SLC19A1: variants seen among roughly 807,000 people sequenced by gnomAD.
SLC19A1 encodes solute carrier family 19 member 1.
SLC19A1 carries 37 observed loss-of-function variants against 35.3 expected under a neutral mutation model. That is an observed-to-expected ratio of 1.05 (90% CI 0.81 to 1.38). The LOEUF (loss-of-function observed/expected upper bound fraction) is 1.38, where lower values mean the gene tolerates loss of function less well. Ranked by LOEUF, SLC19A1 falls within the 40% of genes most tolerant of loss-of-function variation. SLC19A1 has a pLI of 0.00. For synonymous variants in SLC19A1, 460 were observed against 398.5 expected, an observed-to-expected ratio of 1.15 and a Z score of -1.84; for missense variants, 831 against 826.9, an observed-to-expected ratio of 1.00 and a Z score of -0.06.
intron 5 of SLC19A1, 21 bp downstream of exon 5, chr21:45,525,796 G>A (rs753510484): frequency 3.0e-5 from 49 of 1,611,278 alleles, no homozygotes; most frequent in Middle Eastern, 1.6e-4. Context: ...CCCCGAGGAC[G>A]CAGGCCTGAA....
chr21:45,559,626 C>A (rs1239640158), intron 1 of SLC19A1, among the ~76,000 whole-genome samples: 1 of 152,162 alleles, frequency 6.6e-6, no homozygotes, highest in African/African-American at 2.4e-5. Flanking sequence ...GAGCCCGGGG[C>A]GTGCGGATGG....
In SLC19A1 at chr21:45,517,180, T is replaced by C. The variant is rs369513100; in HGVS notation, c.1294-1040A>G. On this transcript the variant is annotated intron_variant, in intron 5 of 5. Transcript: ENST00000311124. The surrounding 1 kb of genome is among the most constrained non-coding windows in gnomAD (Gnocchi z 4.4). Reference sequence around the variant, plus strand: ...CTTTTCACCTCAGATATTTTGAAACTGAAGAAGGCAGCAGGCTGGAAAAGA... The same window carrying C: ...CTTTTCACCTCAGATATTTTGAAACCGAAGAAGGCAGCAGGCTGGAAAAGA... Among the ~76,000 whole-genome samples the C allele has an allele frequency of 2.6e-4, 39 of 152,182 alleles. No homozygotes were observed. Among genetic ancestry groups the C allele is most frequent in the African/African-American group, 9.2e-4 (38 of 41,530 alleles).
At chr21:45,539,054 G>A (rs2078224006) in intron 1 of SLC19A1, among the ~76,000 whole-genome samples, 1 of 152,212 alleles carries the variant, frequency 6.6e-6, no homozygotes, top group Admixed American at 6.5e-5. Flanking sequence ...GCAAAAGCCT[G>A]TCCACTTATC....
intron 5 of SLC19A1, among the ~76,000 whole-genome samples, chr21:45,523,459 A>G (rs2077498357): frequency 1.3e-5 from 2 of 152,318 alleles, no homozygotes; most frequent in Non-Finnish European, 2.9e-5. Context: ...GACCAGGACC[A>G]GCTAAGGAAG....
chr21:45,505,493 C>T (rs2037143040), intron 3 of SLC19A1: 1 of 881,914 alleles, frequency 1.1e-6, no homozygotes, highest in Non-Finnish European at 1.8e-6. Context: ...TCTGCAGCCC[C>T]TGCCCCTCAG....
rs116076967 is a variant in SLC19A1, at chr21:45,516,203, C to A, written c.1294-63G>T. ...CTGGCTGGGACACTGGCACCCTACA[C>A]CCCGACGCCTGCTCCCAGGCTCACC... On this transcript the variant is annotated intron_variant, in intron 5 of 5. Coordinates refer to ENST00000311124, the MANE Select transcript of SLC19A1 (RefSeq NM_194255.4). 2.7e-4 allele frequency: 350 copies of A among 1,316,542 alleles called. No homozygotes were observed. In the African/African-American group the frequency reaches 4.4e-3, roughly 16 times the overall value. 81.6% of individuals were successfully genotyped at this position (1,316,542 alleles called of 1,614,324 possible). A position where few individuals can be genotyped will look rare whatever the true frequency, so the allele number is the denominator to read the frequency against.
rs574858636 is a variant in SLC19A1 at position 45,504,467 on chromosome 21, C to G, written c.498-5855G>C. On this transcript the variant is annotated intron_variant, in intron 3 of 4. Transcript: ENST00000417954. ...AGGACAGAAAGGCGAAAGGGGGGAGCCCGGGGGCGGCGGTTTCTTCGGCTC... is the reference window on the plus strand; with the variant it reads ...AGGACAGAAAGGCGAAAGGGGGGAGGCCGGGGGCGGCGGTTTCTTCGGCTC... The G allele has an allele frequency of 6.2e-7, 1 of 1,609,718 alleles. No homozygotes were observed. Among genetic ancestry groups the G allele is most frequent in the African/African-American group, 1.3e-5 (1 of 74,754 alleles).
At chr21:45,548,005 A>G (rs989162951), upstream of SLC19A1, among the ~76,000 whole-genome samples, 3 of 152,240 alleles carry the variant, frequency 2.0e-5, no homozygotes, top group Admixed American at 2.0e-4. Flanking sequence ...TTGAGATGGA[A>G]ATGCAAAAGA....
At position 45,534,744 on chromosome 21, in the gene SLC19A1, A is replaced by T; in HGVS notation, c.190-2596T>A. ...TCCTCAGCCTTGGCAGGCAGACAGCAGGGAGGCTCTGCCCAGAGCTGTGAC... is the reference window on the plus strand; with the variant it reads ...TCCTCAGCCTTGGCAGGCAGACAGCTGGGAGGCTCTGCCCAGAGCTGTGAC... On this transcript the variant is annotated intron_variant, in intron 2 of 5. Transcript: ENST00000311124. The surrounding 1 kb of genome is among the most constrained non-coding windows in gnomAD (Gnocchi z 4.2). 1.4e-6 allele frequency: 1 copy of T among 699,046 alleles called. No individual in the cohort carries two copies. The allele number at this position is 699,046 out of a possible 1,614,324, so 43.3% of individuals were successfully genotyped here. A position where few individuals can be genotyped will look rare whatever the true frequency, so the allele number is the denominator to read the frequency against.
intron 3 of SLC19A1, chr21:45,506,083 C>A (rs542598611): frequency 4.0e-6 from 6 of 1,505,940 alleles, no homozygotes; most frequent in Non-Finnish European, 5.5e-6. Context: ...TGGCAGCCAG[C>A]GCTTCTTAAA....
downstream of SLC19A1, among the ~76,000 whole-genome samples, chr21:45,508,196 AGGTGGGTGAGTGTATGAATG>A: frequency 6.8e-6 from 1 of 147,450 alleles, no homozygotes; most frequent in East Asian, 2.0e-4. Context: ...GATGGTGGAC[AGGTGGGTGAGTGTATGAATG>A]GGTGGGTGGA....
At chr21:45,504,310 G>A (rs2037049957) in intron 3 of SLC19A1, 2 of 1,174,650 alleles carry the variant, frequency 1.7e-6, no homozygotes, top group South Asian at 1.5e-5. Flanking sequence ...CCCAGGCCTG[G>A]GCTCCGGAAG....
At chr21:45,506,050 C>T in intron 3 of SLC19A1, 3 of 1,600,198 alleles carry the variant, frequency 1.9e-6, no homozygotes, top group Non-Finnish European at 2.6e-6. Flanking sequence ...GAGGCTCAGG[C>T]CCCGGACAGG....
downstream of SLC19A1, chr21:45,509,482 C>T: frequency 6.6e-7 from 1 of 1,526,586 alleles, no homozygotes; most frequent in Non-Finnish European, 8.8e-7. Context: ...GGCCAGCCCC[C>T]CTCGCCTGCC....
intron 1 of SLC19A1, among the ~76,000 whole-genome samples, chr21:45,552,298 G>A (rs572170796): frequency 1.3e-5 from 2 of 152,294 alleles, no homozygotes; most frequent in East Asian, 1.9e-4. Flanking sequence ...CTCCCAGCCT[G>A]AGCAGCAGGG....
At position 45,517,685 on chromosome 21, in the gene SLC19A1, G is replaced by C. The variant is rs2038039504; in HGVS notation, c.1294-1545C>G. Among the ~76,000 whole-genome samples, 1 of 152,136 alleles carries C rather than the reference G, an allele frequency of 6.6e-6. No homozygotes were observed. The highest frequency in any genetic ancestry group is 6.5e-5 in the Admixed American group (1 of 15,280). The stretch of plus-strand genomic sequence containing the variant: ...CCCCTCCATGCTGGGGGGTGTCAGA[G>C]GAGGTCAAGCGGGAGTCCAGACTTT... On this transcript the variant is annotated intron_variant, in intron 5 of 5. Coordinates refer to ENST00000311124, the MANE Select transcript of SLC19A1 (RefSeq NM_194255.4). The surrounding 1 kb of genome is among the most constrained non-coding windows in gnomAD (Gnocchi z 4.4).
intron 3 of SLC19A1, chr21:45,507,362 G>A (rs1295768553): frequency 1.5e-6 from 1 of 659,918 alleles, no homozygotes. Flanking sequence ...GCACCCTGCT[G>A]TGGACTGGGA....
In SLC19A1 at chr21:45,517,018, G is replaced by A. The variant is rs951982765; in HGVS notation, c.1294-878C>T. Among the ~76,000 whole-genome samples the A allele has an allele frequency of 2.0e-5, 3 of 152,286 alleles. No individual in the cohort carries two copies. The highest frequency in any genetic ancestry group is 3.4e-3 in the Middle Eastern group (1 of 294). ...CTGGGAAGACTCTGAAAGCAGGAGC[G>A]AGGAGGACAGACTGACCAGGCCCTC... On this transcript the variant is annotated intron_variant, in intron 5 of 5. Coordinates refer to ENST00000311124, the MANE Select transcript of SLC19A1 (RefSeq NM_194255.4). The surrounding 1 kb of genome is among the most constrained non-coding windows in gnomAD (Gnocchi z 4.4).
chr21:45,514,768 G>A lies in SLC19A1; in HGVS notation c.*890C>T. On this transcript the variant is annotated 3_prime_UTR_variant, in exon 6 of 6. Coordinates refer to ENST00000311124, the MANE Select transcript of SLC19A1 (RefSeq NM_194255.4). Reference sequence around the variant, plus strand: ...GAAGAGTATTCACATCACATCAGATGGTCCCGCACCTGTGGGCAAGGCACT... The same window carrying A: ...GAAGAGTATTCACATCACATCAGATAGTCCCGCACCTGTGGGCAAGGCACT... The A allele has an allele frequency of 4.0e-6, 2 of 500,032 alleles. No homozygotes were observed. Among genetic ancestry groups the A allele is most frequent in the Non-Finnish European group, 7.0e-6 (2 of 287,400 alleles). 31.0% of individuals were successfully genotyped at this position (500,032 alleles called of 1,614,324 possible).
Sources: gnomAD v4.1 joint callset for allele counts (sites outside exome capture counted in the v4.1 genomes callset) on GRCh38, gnomAD v4.1.1 for gene constraint, Gnocchi (gnomAD v3.1) non-coding constraint, MANE v1.5 for transcripts, NCBI Gene and HGNC (gene_info 2026-07-23, HGNC 2026-07-21) for gene names.